Variants in EDAR observed in about 807,000 individuals in gnomAD.
EDAR encodes the protein ectodysplasin A receptor, also known as tumor necrosis factor receptor superfamily member EDAR.
Under a neutral mutation model 51.3 loss-of-function variants are expected in EDAR, and 38 were observed. The ratio of observed to expected loss-of-function variants is 0.74; its 90% CI spans 0.57 to 0.97. EDAR has a LOEUF of 0.97. Among genes scored for constraint, EDAR ranks in the 50% least tolerant of loss-of-function variants. The probability of loss-of-function intolerance (pLI) is 0.00; values close to 1 mark genes in which losing one functional copy is unlikely to be tolerated. For synonymous variants in EDAR, 227 were observed against 242.1 expected (o/e 0.94, Z 0.58); for missense variants, 528 against 595.0 (o/e 0.89, Z 1.17).
At chr2:108,947,452 C>A (rs1343790311) in intron 1 of EDAR, among the ~76,000 whole-genome samples, 1 of 152,210 alleles carries the variant, frequency 6.6e-6, no homozygotes, top group African/African-American at 2.4e-5. Context: ...GGGGCTCCAA[C>A]TGCATTGCCT....
intron 1 of EDAR, among the ~76,000 whole-genome samples, chr2:108,948,842 G>A (rs1311338954): frequency 2.6e-5 from 4 of 152,174 alleles, no homozygotes; most frequent in Non-Finnish European, 5.9e-5. Context: ...AGTTGGCCAG[G>A]CATGGTGGCT....
At chr2:108,897,617 A>T (rs1048200337) in intron 11 of EDAR, among the ~76,000 whole-genome samples, 1 of 152,194 alleles carries the variant, frequency 6.6e-6, no homozygotes, top group South Asian at 2.1e-4. Context: ...GGACAGTGTC[A>T]TGTCTCTTTA....
chr2:108,908,284 G>A (rs767042499), intron 9 of EDAR, among the ~76,000 whole-genome samples: 42 of 152,104 alleles, frequency 2.8e-4, no homozygotes, highest in African/African-American at 7.2e-4. Flanking sequence ...CTGCCACTGC[G>A]TGTGGGAGGC....
intron 11 of EDAR, among the ~76,000 whole-genome samples, chr2:108,900,962 C>T (rs960075876): frequency 6.6e-6 from 1 of 152,098 alleles, no homozygotes; most frequent in Non-Finnish European, 1.5e-5. Flanking sequence ...CTTTAACATT[C>T]CTCCCTCAGT....
At chr2:108,968,315 A>C (rs139873740) in intron 1 of EDAR, among the ~76,000 whole-genome samples, 83 of 152,358 alleles carry the variant, frequency 5.4e-4, no homozygotes, top group African/African-American at 1.8e-3. Context: ...GGAATGGTTT[A>C]GCTCATAGGT....
At chr2:108,922,001 C>T (rs1697150651) in intron 5 of EDAR, among the ~76,000 whole-genome samples, 1 of 152,236 alleles carries the variant, frequency 6.6e-6, no homozygotes, top group African/African-American at 2.4e-5. Flanking sequence ...TCTTTAAAAT[C>T]TTGAGGACTC....
chr2:108,946,313 G>A (rs545321201), intron 1 of EDAR, among the ~76,000 whole-genome samples: 225 of 152,314 alleles, frequency 1.5e-3, no homozygotes, highest in African/African-American at 5.4e-3. Flanking sequence ...TAGCACCTGG[G>A]ACAACACATA....
intron 5 of EDAR, among the ~76,000 whole-genome samples, chr2:108,915,155 T>A (rs13420764): frequency 3.3e-5 from 5 of 152,322 alleles, no homozygotes; most frequent in Admixed American, 1.3e-4. Flanking sequence ...CCACCTGCCT[T>A]GGCCTCCCAA....
Position 108,907,910 on chromosome 2 carries a change from G to A in EDAR, c.913C>T (p.Leu305=). ...GACTTCTCCCTGGCCAGGTGAACCA[G>A]CGACAGCAGGCACAGCTCCGGGGAG... ...QGSPELCLLS[L]VHLAREKSAT... Residue 305 remains leucine, a synonymous_variant, in exon 10 of 12, where the codon CTG becomes TTG. Coordinates refer to ENST00000258443, the MANE Select transcript of EDAR (RefSeq NM_022336.4). The A allele has an allele frequency of 6.2e-7, 1 of 1,613,698 alleles. No homozygotes were observed. The highest frequency in any genetic ancestry group is 2.2e-5 in the East Asian group (1 of 44,866).
intron 1 of EDAR, among the ~76,000 whole-genome samples, chr2:108,971,770 C>A (rs1348386466): frequency 6.6e-6 from 1 of 152,204 alleles, no homozygotes; most frequent in East Asian, 1.9e-4. Context: ...CTCTTTGATA[C>A]CACCTTCAAA....
intron 5 of EDAR, among the ~76,000 whole-genome samples, chr2:108,921,404 G>C (rs1175786721): frequency 2.0e-5 from 3 of 152,228 alleles, no homozygotes; most frequent in Non-Finnish European, 4.4e-5. Flanking sequence ...TTGCTGCAGA[G>C]TACCAAGGAT....
chr2:108,917,770 T>C (rs1354078968), intron 5 of EDAR, among the ~76,000 whole-genome samples: 1 of 152,016 alleles, frequency 6.6e-6, no homozygotes, highest in Non-Finnish European at 1.5e-5. Context: ...ACTACACATA[T>C]AACCCACAAG....
chr2:108,972,493 C>T (rs760722906), intron 1 of EDAR, among the ~76,000 whole-genome samples: 25 of 152,146 alleles, frequency 1.6e-4, no homozygotes, highest in Non-Finnish European at 3.1e-4. Context: ...GTGGGAGTGC[C>T]GGGGCAGGGC....
chr2:108,905,985 C>T (rs1479970122), intron 11 of EDAR, among the ~76,000 whole-genome samples: 1 of 152,158 alleles, frequency 6.6e-6, no homozygotes, highest in Non-Finnish European at 1.5e-5. Flanking sequence ...TGGACACGGT[C>T]TCTGGGGACA....
intron 1 of EDAR, among the ~76,000 whole-genome samples, chr2:108,939,930 C>T (rs76371976): frequency 2.0e-5 from 3 of 152,286 alleles, no homozygotes; most frequent in East Asian, 1.9e-4. Context: ...GTGATGGAGA[C>T]GAGGCCTCCT....
intron 11 of EDAR, among the ~76,000 whole-genome samples, chr2:108,906,037 C>T (rs1469121712): frequency 6.8e-6 from 1 of 146,338 alleles, no homozygotes; most frequent in Non-Finnish European, 1.5e-5. Context: ...ACCGACCCTG[C>T]GTTTCCCTAC....
intron 1 of EDAR, among the ~76,000 whole-genome samples, chr2:108,964,816 T>C (rs180856039): frequency 6.6e-6 from 1 of 152,118 alleles, no homozygotes; most frequent in South Asian, 2.1e-4. Flanking sequence ...TCAGAAGACC[T>C]TCCAGAGAGC....
At chr2:108,974,536 C>G (rs902550247) in intron 1 of EDAR, among the ~76,000 whole-genome samples, 22 of 151,328 alleles carry the variant, frequency 1.5e-4, no homozygotes, top group African/African-American at 5.4e-4. Flanking sequence ...TGGAGACCAG[C>G]CTGACCAACA....
intron 1 of EDAR, among the ~76,000 whole-genome samples, chr2:108,961,588 A>T (rs1466167671): frequency 6.6e-6 from 1 of 152,174 alleles, no homozygotes; most frequent in East Asian, 1.9e-4. Flanking sequence ...GCAAAAACAG[A>T]CATTTACATT....
Sources: allele counts gnomAD v4.1 joint callset (sites outside exome capture counted in the v4.1 genomes callset), GRCh38; gene constraint gnomAD v4.1.1; transcripts MANE v1.5; gene names NCBI Gene and HGNC (gene_info 2026-07-23, HGNC 2026-07-21).